The following GSDME variants were observed in gnomAD, a reference collection of about 807,000 sequenced individuals.
The protein encoded by GSDME is gasdermin-E.
Under a neutral mutation model 47.5 loss-of-function variants are expected in GSDME, and 44 were observed. The ratio of observed to expected loss-of-function variants is 0.93; its 90% CI spans 0.73 to 1.19. The LOEUF is 1.19. Among genes scored for constraint, GSDME ranks in the 50% most tolerant of loss-of-function variants. The probability of loss-of-function intolerance (pLI) is 0.00; values close to 1 mark genes in which losing one functional copy is unlikely to be tolerated. For missense variants in GSDME, 663 were observed against 604.2 expected, an observed-to-expected ratio of 1.10 and a Z score of -1.02; for synonymous variants, 258 against 252.8, an observed-to-expected ratio of 1.02 and a Z score of -0.20.
chr7:24,701,491 CA>C, intron 9 of GSDME, among the ~76,000 whole-genome samples: 1 of 152,162 alleles, frequency 6.6e-6, no homozygotes, highest in Non-Finnish European at 1.5e-5. Flanking sequence ...AGTTAGATAA[CA>C]TGGGCTTGGC....
chr7:24,795,170 C>T, the GSDME span, among the ~76,000 whole-genome samples: 2 of 152,150 alleles, frequency 1.3e-5, no homozygotes, highest in African/African-American at 4.8e-5. Flanking sequence ...GGGGGCCTAC[C>T]GTGCGCTGCT....
At chr7:24,784,583 G>A in the GSDME span, among the ~76,000 whole-genome samples, 1 of 151,342 alleles carries the variant, frequency 6.6e-6, no homozygotes, top group African/African-American at 2.4e-5. Flanking sequence ...GACTTAGCAA[G>A]CCAGCTGATC....
At chr7:24,709,800 A>T (rs748023466) in intron 6 of GSDME, among the ~76,000 whole-genome samples, 6 of 152,220 alleles carry the variant, frequency 3.9e-5, no homozygotes, top group Non-Finnish European at 7.3e-5. Context: ...AGCATTTTGC[A>T]AGGCTGACAA....
chr7:24,741,008 C>T (rs551149212), intron 3 of GSDME, among the ~76,000 whole-genome samples: 17 of 152,244 alleles, frequency 1.1e-4, no homozygotes, highest in Non-Finnish European at 1.8e-4. Flanking sequence ...CAGGTGTGCG[C>T]GCTCCAGAGT....
chr7:24,723,793 G>C (rs910493486), intron 3 of GSDME, among the ~76,000 whole-genome samples: 1 of 152,142 alleles, frequency 6.6e-6, no homozygotes, highest in Non-Finnish European at 1.5e-5. Flanking sequence ...CTCTTGTATT[G>C]CTATGTTCAT....
rs1414723947 is a variant in GSDME, at chr7:24,715,606, C to A, written c.697+1648G>T. 3 of 419,336 alleles carry A rather than the reference C, an allele frequency of 7.2e-6. No homozygotes were observed. The East Asian group carries it at 2.4e-4, about 33-fold the overall frequency. 26.0% of individuals were successfully genotyped at this position (419,336 alleles called of 1,614,324 possible). A position where few individuals can be genotyped will look rare whatever the true frequency, so the allele number is the denominator to read the frequency against. On this transcript the variant is annotated intron_variant, in intron 5 of 9. Transcript: ENST00000645220. ...CCCAAAAGTGCAGATGGTGACCCTA[C>A]TTACCACATACAGATAACAGAGACT...
the GSDME span, among the ~76,000 whole-genome samples, chr7:24,795,440 C>G: frequency 9.9e-5 from 15 of 152,136 alleles, no homozygotes; most frequent in African/African-American, 1.9e-4. Context: ...GGCAGACTTA[C>G]AAAACCGAGC....
At chr7:24,747,777 C>A (rs1790714645) in intron 2 of GSDME, among the ~76,000 whole-genome samples, 1 of 152,144 alleles carries the variant, frequency 6.6e-6, no homozygotes, top group African/African-American at 2.4e-5. Flanking sequence ...AAGCGATCCT[C>A]CCACCTCAAC....
At chr7:24,713,906 T>A (rs1789448917) in intron 5 of GSDME, among the ~76,000 whole-genome samples, 1 of 152,036 alleles carries the variant, frequency 6.6e-6, no homozygotes, top group Non-Finnish European at 1.5e-5. Flanking sequence ...CAGTGAGCTA[T>A]GATCCCGCCA....
At chr7:24,715,991 C>T (rs549570893) in intron 5 of GSDME, among the ~76,000 whole-genome samples, 6 of 152,308 alleles carry the variant, frequency 3.9e-5, no homozygotes, top group South Asian at 2.1e-4. Context: ...CAGCAGCACA[C>T]GAGGACACTG....
In GSDME at chr7:24,699,244, C is replaced by T. The variant is rs1241268866; in HGVS notation, c.1273G>A (p.Asp425Asn). The T allele has an allele frequency of 5.0e-6, 8 of 1,612,208 alleles. No homozygotes were observed. In the East Asian group the frequency reaches 6.7e-5, roughly 13 times the overall value. ...TCTTCAAGATCAGATACTCCATCATCAGACAGAGCACGAAGCTGAAATGAC... is the reference window on the plus strand; with the variant it reads ...TCTTCAAGATCAGATACTCCATCATTAGACAGAGCACGAAGCTGAAATGAC... ...TLCHLLRALS[D>N]DGVSDLEDPT... Residue 425 changes from aspartate (D) to asparagine (N), a missense_variant, in exon 10 of 10, where the codon GAT (aspartate) becomes AAT (asparagine). Transcript: ENST00000645220.
chr7:24,752,638 G>T (rs115401469), intron 1 of GSDME, among the ~76,000 whole-genome samples: 1 of 152,198 alleles, frequency 6.6e-6, no homozygotes, highest in Non-Finnish European at 1.5e-5. Context: ...GAGGGAATTT[G>T]AAAGGAACAG....
At chr7:24,703,571 A>C (rs963928914) in intron 8 of GSDME, 1 of 153,896 alleles carries the variant, frequency 6.5e-6, no homozygotes, top group Non-Finnish European at 1.4e-5. Flanking sequence ...GAAAAGGCAA[A>C]AAAGAATGAG....
upstream of GSDME, among the ~76,000 whole-genome samples, chr7:24,761,086 A>C (rs201425771): frequency 5.9e-5 from 9 of 152,258 alleles, no homozygotes; most frequent in East Asian, 1.7e-3. The surrounding 1 kb of genome is among the most constrained non-coding windows in gnomAD (Gnocchi z 4.4). Flanking sequence ...TAGTGGCTTG[A>C]AACAACAACC....
the GSDME span, among the ~76,000 whole-genome samples, chr7:24,776,371 CTTGTT>C: frequency 6.6e-6 from 1 of 152,086 alleles, no homozygotes; most frequent in South Asian, 2.1e-4. Context: ...TTAATTGTCA[CTTGTT>C]TTAACTTTTT....
intron 3 of GSDME, among the ~76,000 whole-genome samples, chr7:24,722,551 C>T (rs1479914209): frequency 6.6e-6 from 1 of 152,184 alleles, no homozygotes; most frequent in Non-Finnish European, 1.5e-5. Flanking sequence ...GCTAGACGCA[C>T]GTCAGACACA....
the GSDME span, among the ~76,000 whole-genome samples, chr7:24,785,191 G>A: frequency 1.3e-5 from 2 of 152,010 alleles, no homozygotes; most frequent in Admixed American, 1.3e-4. Context: ...GGATGCTTTG[G>A]GCTATAACAG....
At chr7:24,746,006 G>T (rs1043731647) in intron 2 of GSDME, among the ~76,000 whole-genome samples, 1 of 152,034 alleles carries the variant, frequency 6.6e-6, no homozygotes, top group African/African-American at 2.4e-5. Flanking sequence ...CTTCACAGGG[G>T]ATTCAAACCC....
chr7:24,707,149 C>T, intron 7 of GSDME: 2 of 367,144 alleles, frequency 5.4e-6, no homozygotes, highest in South Asian at 2.2e-5. Flanking sequence ...TACCCAGGCT[C>T]TTTCGGCACA....
Sources: gnomAD v4.1 joint callset for allele counts (sites outside exome capture counted in the v4.1 genomes callset) on GRCh38, gnomAD v4.1.1 for gene constraint, Gnocchi (gnomAD v3.1) non-coding constraint, MANE v1.5 for transcripts, NCBI Gene and HGNC (gene_info 2026-07-23, HGNC 2026-07-21) for gene names.